RBM5: variants seen among roughly 807,000 people sequenced by gnomAD.
RBM5 encodes RNA binding motif protein 5, also known as RNA-binding protein 5.
Under a neutral mutation model 124.6 loss-of-function variants are expected in RBM5, and 15 were observed. That is an observed-to-expected ratio of 0.12 (90% confidence interval 0.08 to 0.19). The LOEUF (loss-of-function observed/expected upper bound fraction) is 0.19, where lower values mean the gene tolerates loss of function less well. Ranked by LOEUF, RBM5 falls within the 10% of genes least tolerant of loss-of-function variation. The pLI, the probability that RBM5 is intolerant of heterozygous loss-of-function variation, is 1.00. For synonymous variants in RBM5, 337 were observed against 361.2 expected, an observed-to-expected ratio of 0.93 and a Z score of 0.76; for missense variants, 580 against 1,026.5, an observed-to-expected ratio of 0.57 and a Z score of 5.94.
intron 14 of RBM5, among the ~76,000 whole-genome samples, chr3:50,109,299 T>C (rs965727883): frequency 6.6e-5 from 10 of 152,214 alleles, no homozygotes; most frequent in African/African-American, 2.4e-4. Flanking sequence ...GGTCTCAATC[T>C]CCTGACCTCG....
chr3:50,117,286 C>T lies in RBM5; in HGVS notation c.2229C>T (p.His743=), dbSNP rs887925805. Residue 743 remains histidine, a synonymous_variant, in exon 24 of 25, where the codon CAC becomes CAT. Coordinates refer to ENST00000347869, the MANE Select transcript of RBM5 (RefSeq NM_005778.4). The surrounding 1 kb of genome is among the most constrained non-coding windows in gnomAD (Gnocchi z 4.2). ...YEQPTKDGID[H]SNIGNKMLQA... ...AACCCACCAAAGATGGCATTGACCA[C>T]AGTAACATTGGCAACAAGATGCTGC... 7.4e-6 allele frequency: 12 copies of T among 1,614,118 alleles called. No homozygotes were observed. The highest frequency in any genetic ancestry group is 2.7e-5 in the African/African-American group (2 of 74,936).
intron 4 of RBM5, among the ~76,000 whole-genome samples, chr3:50,097,135 C>T (rs2090832859): frequency 6.6e-6 from 1 of 152,136 alleles, no homozygotes; most frequent in South Asian, 2.1e-4. Flanking sequence ...GTGGCTCACG[C>T]CTGTAATCCC....
intron 4 of RBM5, 78 bp downstream of exon 4, chr3:50,093,953 T>C (rs1293013806): frequency 6.7e-7 from 1 of 1,497,992 alleles, no homozygotes; most frequent in East Asian, 2.3e-5. Flanking sequence ...TTTCTCATGC[T>C]ATTGTTTTAT....
chr3:50,117,056 GT>G lies in RBM5; in HGVS notation c.2095-12del. 2 of 1,607,510 alleles carry G rather than the reference GT, an allele frequency of 1.2e-6. No individual in the cohort carries two copies. Among genetic ancestry groups the G allele is most frequent in the Non-Finnish European group, 1.7e-6 (2 of 1,173,978 alleles). The stretch of plus-strand genomic sequence containing the variant: ...GAAGTCTGTGAACATTTCCAGCAGT[GT>G]TTTTTCTCCCATGTAGATGAAATAC... On this transcript the variant is annotated splice_polypyrimidine_tract_variant and intron_variant, in intron 22 of 24. Transcript: ENST00000347869. The surrounding 1 kb of genome is among the most constrained non-coding windows in gnomAD (Gnocchi z 4.2).
intron 8 of RBM5, chr3:50,104,643 CA>C (rs1418724407): frequency 1.5e-4 from 40 of 264,886 alleles, no homozygotes; most frequent in Middle Eastern, 1.2e-3. Context: ...CCCTGCCTCT[CA>C]AAAAAAACAA....
chr3:50,089,980 TA>T (rs1412647878), intron 1 of RBM5: 1 of 162,806 alleles, frequency 6.1e-6, no homozygotes, highest in African/African-American at 2.4e-5. Flanking sequence ...TTGCTCCTTG[TA>T]TTAATGAAGA....
chr3:50,116,370 T>G (rs1205340817), intron 22 of RBM5: 1 of 191,816 alleles, frequency 5.2e-6, no homozygotes, highest in Non-Finnish European at 1.1e-5. Context: ...GCAGGTGATA[T>G]GAAAGGAAGG....
At chr3:50,110,941 T>A (rs1437831701) in intron 17 of RBM5, 171 bp downstream of exon 17, 1 of 592,538 alleles carries the variant, frequency 1.7e-6, no homozygotes, top group Non-Finnish European at 2.9e-6. Flanking sequence ...GTTTTAATTG[T>A]AGGGTTAAAA....
intron 10 of RBM5, 59 bp downstream of exon 10, chr3:50,105,768 G>A (rs2091016009): frequency 1.3e-6 from 2 of 1,565,324 alleles, no homozygotes; most frequent in Admixed American, 1.8e-5. Flanking sequence ...GGCAAATGTG[G>A]TTCATCCAGT....
chr3:50,110,879 G>T, intron 17 of RBM5, 109 bp downstream of exon 17: 1 of 840,864 alleles, frequency 1.2e-6, no homozygotes, highest in South Asian at 2.5e-5. Flanking sequence ...ACTCAGATTA[G>T]TTTTAACTTC....
chr3:50,106,366 A>T (rs1394684988), intron 10 of RBM5, among the ~76,000 whole-genome samples: 2 of 151,286 alleles, frequency 1.3e-5, no homozygotes, highest in Non-Finnish European at 2.9e-5. Context: ...GGTCTTGATC[A>T]CCACCTCTGC....
At chr3:50,115,355 T>G in intron 20 of RBM5, 73 bp from the exon 21 acceptor site, 1 of 1,521,946 alleles carries the variant, frequency 6.6e-7, no homozygotes, top group Non-Finnish European at 8.9e-7. Flanking sequence ...GAGGCATTAC[T>G]TTATCCAGGT....
At chr3:50,094,035 TAA>T in intron 4 of RBM5, 160 bp downstream of exon 4, 2 of 653,144 alleles carry the variant, frequency 3.1e-6, no homozygotes, top group Non-Finnish European at 4.9e-6. Flanking sequence ...TATTTTTTTT[TAA>T]TATTTGCATT....
intron 21 of RBM5, 146 bp downstream of exon 21, chr3:50,115,753 C>T (rs1455447692): frequency 8.4e-7 from 1 of 1,196,132 alleles, no homozygotes; most frequent in Non-Finnish European, 1.2e-6. Context: ...TGGACGGAGT[C>T]TGGCAGCTCC....
chr3:50,096,844 C>T (rs1476206545), intron 4 of RBM5, among the ~76,000 whole-genome samples: 1 of 151,348 alleles, frequency 6.6e-6, no homozygotes, highest in Non-Finnish European at 1.5e-5. Context: ...TGTCTTCAAT[C>T]AATCCTCCCG....
At chr3:50,105,174 G>C (rs776162080) in intron 9 of RBM5, 32 bp downstream of exon 9, 4 of 1,514,664 alleles carry the variant, frequency 2.6e-6, no homozygotes, top group Admixed American at 3.4e-5. Context: ...TGGTCTTCAT[G>C]TTAAAAATTG....
chr3:50,112,104 C>T (rs1208847916), intron 17 of RBM5: 1 of 141,460 alleles, frequency 7.1e-6, no homozygotes, highest in Non-Finnish European at 1.5e-5. Context: ...CTTTGGTGGC[C>T]TTAGAAGTTG....
rs1234494614 is a variant in RBM5 at position 50,105,151 on chromosome 3, A to G, written c.694+9A>G. On this transcript the variant is annotated intron_variant, in intron 9 of 24. Transcript: ENST00000347869. The stretch of plus-strand genomic sequence containing the variant: ...GGATTACTACTGTGATAGTAAGTTC[A>G]TACACGATCTTTTGGTCTTCATGTT... 5 of 1,570,652 alleles carry G rather than the reference A, an allele frequency of 3.2e-6. No homozygotes were observed. In the African/African-American group the frequency reaches 4.1e-5, roughly 13 times the overall value.
Position 50,115,953 on chromosome 3 carries a change from G to A in RBM5, c.2067G>A (p.Leu689=), listed in dbSNP as rs368504461. ...GATCCAGGCTGAGCGAGCAGGAGCT[G>A]GAAGCCTTGGAGCTAAGGGAGAGAG... ...YRRSRLSEQE[L]EALELREREM... Residue 689 remains leucine (L), a synonymous_variant, in exon 22 of 25, where the codon CTG becomes CTA. Transcript: ENST00000347869. 5.6e-6 allele frequency: 9 copies of A among 1,613,934 alleles called. No homozygotes were observed. The highest frequency in any genetic ancestry group is 1.3e-5 in the African/African-American group (1 of 75,054).
Sources: gnomAD v4.1 joint callset for allele counts (sites outside exome capture counted in the v4.1 genomes callset) on GRCh38, gnomAD v4.1.1 for gene constraint, Gnocchi (gnomAD v3.1) non-coding constraint, MANE v1.5 for transcripts, NCBI Gene and HGNC (gene_info 2026-07-23, HGNC 2026-07-21) for gene names.